PLB1: variants seen among roughly 807,000 people sequenced by gnomAD.
PLB1 encodes phospholipase B1, membrane-associated.
Under a neutral mutation model 227.4 loss-of-function variants are expected in PLB1, and 242 were observed. The observed-to-expected ratio is 1.06, with a 90% confidence interval of 0.96 to 1.18. PLB1 has a LOEUF of 1.18. PLB1 is among the 50% of genes most tolerant of loss of function. PLB1 has a pLI of 0.00. For missense variants in PLB1, 1,858 were observed against 1,816.3 expected (o/e 1.02, Z -0.42); for synonymous variants, 757 against 682.2 (o/e 1.11, Z -1.71).
rs905832830 is a variant in PLB1, at chr2:28,602,825, C to G, written c.2678C>G (p.Pro893Arg). 1 of 1,613,998 alleles carries G rather than the reference C, an allele frequency of 6.2e-7. No homozygotes were observed. Among genetic ancestry groups the G allele is most frequent in the African/African-American group, 1.3e-5 (1 of 75,046 alleles). ...CATCTGCAGCTTTTCCCTTAGGTGC[C>G]CAGAGTCCTGGTCAACCTCGTGGAC... Reference protein sequence around the residue: ...NALDVLHREVPRVLVNLVDFL... With the variant: ...NALDVLHREVRRVLVNLVDFL... The change falls in exon 39 of 58, where the codon CCC (proline) becomes CGC (arginine). Residue 893 changes from proline to arginine, a missense_variant. Pro to Arg is a moderately radical substitution (Grantham distance 103). Coordinates refer to ENST00000327757, the MANE Select transcript of PLB1 (RefSeq NM_153021.5).
At chr2:28,564,799 T>G (rs889194950) in intron 18 of PLB1, among the ~76,000 whole-genome samples, 1 of 152,270 alleles carries the variant, frequency 6.6e-6, no homozygotes, top group African/African-American at 2.4e-5. Flanking sequence ...ACCTGGAGAG[T>G]GTCCACATTG....
intron 34 of PLB1, 127 bp from the exon 35 acceptor site, chr2:28,598,525 G>A: frequency 1.4e-6 from 1 of 716,784 alleles, no homozygotes; most frequent in East Asian, 2.5e-5. Flanking sequence ...CTGCCTCCCT[G>A]CCTCTCCCCA....
chr2:28,525,130 T>C (rs1670058708), intron 4 of PLB1, 137 bp from the exon 5 acceptor site: 2 of 717,922 alleles, frequency 2.8e-6, no homozygotes, highest in East Asian at 2.7e-5. Context: ...GGATTACAGG[T>C]GTGAGCCACC....
At chr2:28,545,657 G>C (rs768357938) in intron 14 of PLB1, among the ~76,000 whole-genome samples, 2 of 152,182 alleles carry the variant, frequency 1.3e-5, no homozygotes, top group Non-Finnish European at 2.9e-5. Flanking sequence ...GAGGGCATTG[G>C]GCTCCTTCCT....
rs778535115 is a variant in PLB1 at position 28,578,157 on chromosome 2, C to T, written c.1484C>T (p.Thr495Met). 1.5e-5 allele frequency: 24 copies of T among 1,613,816 alleles called. No individual in the cohort carries two copies. The Middle Eastern group carries it at 4.9e-4, about 33-fold the overall frequency. Reference protein sequence around the residue: ...RRLVDLMKNDTRIHFQEDWKI... With the variant: ...RRLVDLMKNDMRIHFQEDWKI... ...CTGGTGGACCTGATGAAGAATGACA[C>T]GGTGGGTCCCTGGGATGGGAAGTAG... is the stretch of plus-strand genomic sequence containing the variant. The change falls in exon 22 of 58, where the codon ACG (threonine) becomes ATG (methionine). Residue 495 changes from threonine to methionine, a missense_variant and splice_region_variant. Coordinates refer to ENST00000327757, the MANE Select transcript of PLB1 (RefSeq NM_153021.5).
chr2:28,610,014 C>G (rs1413957894), intron 43 of PLB1, among the ~76,000 whole-genome samples: 2 of 152,204 alleles, frequency 1.3e-5, no homozygotes, highest in African/African-American at 2.4e-5. Flanking sequence ...GATGCAATCT[C>G]TCATAGAATA....
chr2:28,625,075 C>G lies in PLB1; in HGVS notation c.3546C>G (p.Ala1182=). 6.2e-7 allele frequency: 1 copy of G among 1,613,852 alleles called. No individual in the cohort carries two copies. The highest frequency in any genetic ancestry group is 8.5e-7 in the Non-Finnish European group (1 of 1,179,828). The part of the protein sequence containing the change: ...GARARDMPAQ[A]WDLVERMKNS... ...CACCTAGGGACATGCCAGCCCAGGCCTGGGACCTGGTAGAGCGAATGAAAA... is the reference window on the plus strand; with the variant it reads ...CACCTAGGGACATGCCAGCCCAGGCGTGGGACCTGGTAGAGCGAATGAAAA... The change falls in exon 50 of 58, where the codon GCC becomes GCG. Residue 1182 remains alanine, a synonymous_variant. Transcript: ENST00000327757.
At chr2:28,632,001 C>T in intron 54 of PLB1, 35 bp from the exon 55 acceptor site, 1 of 1,569,022 alleles carries the variant, frequency 6.4e-7, no homozygotes, top group Non-Finnish European at 8.8e-7. Flanking sequence ...GCAGCCTTGC[C>T]AGGAGGGTTG....
intron 41 of PLB1, 82 bp from the exon 42 acceptor site, chr2:28,605,770 TG>T: frequency 9.6e-7 from 1 of 1,036,966 alleles, no homozygotes; most frequent in Non-Finnish European, 1.5e-6. Context: ...AGGTGTTGAG[TG>T]GTCAGTCCCA....
chr2:28,542,199 C>T (rs77839905), intron 13 of PLB1, among the ~76,000 whole-genome samples: 6,006 of 152,088 alleles, frequency 0.039, 160 homozygotes, highest in Middle Eastern at 0.086. Flanking sequence ...TCTGTTCCTG[C>T]CCCCTCTTCC....
Position 28,524,523 on chromosome 2 carries a change from T to A in PLB1, c.244-744T>A, listed in dbSNP as rs556227737. ...GATTCAACATATATTTGTTAAATAC[T>A]TACAACACACCCAGGCACTGTTCTA... On this transcript the variant is annotated intron_variant, in intron 4 of 57. Coordinates refer to ENST00000327757, the MANE Select transcript of PLB1 (RefSeq NM_153021.5). Among the ~76,000 whole-genome samples the A allele has an allele frequency of 7.6e-3, 1,151 of 152,262 alleles. 14 individuals are homozygous for A. The highest frequency in any genetic ancestry group is 0.026 in the African/African-American group (1,069 of 41,544).
At chr2:28,639,067 A>AAG (rs1689694576) in intron 56 of PLB1, among the ~76,000 whole-genome samples, 1 of 58,934 alleles carries the variant, frequency 1.7e-5, no homozygotes, top group Non-Finnish European at 4.2e-5. Context: ...GATTCCATCT[A>AAG]AAAAAAAAAA....
At chr2:28,528,041 G>A (rs1050568522) in intron 6 of PLB1, among the ~76,000 whole-genome samples, 7 of 152,098 alleles carry the variant, frequency 4.6e-5, no homozygotes, top group Admixed American at 4.6e-4. Flanking sequence ...AGCCAATCGG[G>A]GGTTAGAGAA....
intron 23 of PLB1, 135 bp from the exon 24 acceptor site, chr2:28,581,933 C>A: frequency 4.0e-6 from 3 of 747,806 alleles, no homozygotes; most frequent in Non-Finnish European, 6.4e-6. Context: ...TGCACTCCAG[C>A]CCGGGAGACA....
intron 20 of PLB1, 39 bp from the exon 21 acceptor site, chr2:28,573,158 G>T: frequency 6.6e-7 from 1 of 1,504,624 alleles, no homozygotes; most frequent in South Asian, 1.1e-5. Context: ...AGATTGCTTT[G>T]CAGTAGTCAC....
chr2:28,534,527 C>A (rs552944207), intron 9 of PLB1, among the ~76,000 whole-genome samples: 1 of 152,122 alleles, frequency 6.6e-6, no homozygotes, highest in African/African-American at 2.4e-5. Context: ...TGGATTGGGA[C>A]GTGAAACACA....
intron 1 of PLB1, among the ~76,000 whole-genome samples, chr2:28,510,824 C>T (rs1012099591): frequency 5.4e-5 from 7 of 130,188 alleles, no homozygotes; most frequent in Non-Finnish European, 8.2e-5. Context: ...GACAGGGTTT[C>T]ACCATGTTGC....
chr2:28,512,985 C>G (rs1668452930), intron 1 of PLB1, among the ~76,000 whole-genome samples: 1 of 152,126 alleles, frequency 6.6e-6, no homozygotes, highest in Non-Finnish European at 1.5e-5. Flanking sequence ...CCTAGATTGC[C>G]CCATTAAATT....
chr2:28,576,542 C>G (rs889319808), intron 21 of PLB1, among the ~76,000 whole-genome samples: 1 of 152,150 alleles, frequency 6.6e-6, no homozygotes, highest in Non-Finnish European at 1.5e-5. Context: ...TCAGTCTGGC[C>G]AACATGGTGA....
Sources: gnomAD v4.1 joint callset for allele counts (sites outside exome capture counted in the v4.1 genomes callset) on GRCh38, gnomAD v4.1.1 for gene constraint, MANE v1.5 for transcripts, NCBI Gene and HGNC (gene_info 2026-07-23, HGNC 2026-07-21) for gene names.